NFAM1: variants seen among roughly 807,000 people sequenced by gnomAD.
NFAM1 encodes NFAT activation molecule 1.
A neutral mutation model predicts 29.0 loss-of-function variants in NFAM1; 17 were observed. The ratio of observed to expected loss-of-function variants is 0.59; its 90% CI spans 0.40 to 0.88. The LOEUF (loss-of-function observed/expected upper bound fraction) is 0.88, where lower values mean the gene tolerates loss of function less well. Ranked by LOEUF, NFAM1 falls within the 40% of genes least tolerant of loss-of-function variation. The pLI is 0.00. For missense variants in NFAM1, 324 were observed against 344.6 expected, an observed-to-expected ratio of 0.94 and a Z score of 0.47; for synonymous variants, 175 against 147.2, an observed-to-expected ratio of 1.19 and a Z score of -1.36.
intron 3 of NFAM1, among the ~76,000 whole-genome samples, chr22:42,406,820 G>A (rs1333122545): frequency 2.0e-5 from 3 of 151,914 alleles, no homozygotes; most frequent in East Asian, 1.9e-4. Flanking sequence ...TGTCGCCCAG[G>A]CTGGAGTGCA....
chr22:42,424,058 C>T (rs961624162), intron 1 of NFAM1, among the ~76,000 whole-genome samples: 72 of 152,060 alleles, frequency 4.7e-4, no homozygotes, highest in African/African-American at 1.7e-3. Context: ...GACTCGGCCT[C>T]CCAAAGTGCT....
upstream of NFAM1, among the ~76,000 whole-genome samples, chr22:42,433,197 C>T (rs575652394): frequency 6.6e-6 from 1 of 152,296 alleles, no homozygotes; most frequent in East Asian, 1.9e-4. Flanking sequence ...CCCTTGGCAC[C>T]CACACATCTG....
chr22:42,426,815 G>A (rs940546418), intron 1 of NFAM1, among the ~76,000 whole-genome samples: 1 of 152,098 alleles, frequency 6.6e-6, no homozygotes, highest in East Asian at 1.9e-4. Flanking sequence ...ACTCACGACC[G>A]AAGATGAGCA....
chr22:42,400,344 G>A (rs979612129), intron 3 of NFAM1, among the ~76,000 whole-genome samples: 1 of 152,198 alleles, frequency 6.6e-6, no homozygotes, highest in South Asian at 2.1e-4. Flanking sequence ...GGGGCCAGGT[G>A]CAGTGGTTCA....
At chr22:42,407,080 TC>T (rs1929924171) in intron 3 of NFAM1, among the ~76,000 whole-genome samples, 1 of 145,506 alleles carries the variant, frequency 6.9e-6, no homozygotes, top group African/African-American at 2.6e-5. Flanking sequence ...CGGACCTTCC[TC>T]TTTTTTTTTT....
At chr22:42,393,431 C>T (rs953253057) in intron 4 of NFAM1, among the ~76,000 whole-genome samples, 2 of 151,504 alleles carry the variant, frequency 1.3e-5, no homozygotes, top group Admixed American at 6.6e-5. Flanking sequence ...TTTTTTGAGT[C>T]GGAGTCTCGC....
Position 42,400,547 on chromosome 22 carries a change from G to A in NFAM1, c.565-2591C>T, listed in dbSNP as rs750096080. 3.3e-5 allele frequency among the ~76,000 whole-genome samples: 5 copies of A among 152,332 alleles called. No homozygotes were observed. The East Asian group carries it at 9.6e-4, about 29-fold the overall frequency. ...GCAGAGAATTGCTTGAACCTGGGAG[G>A]TGGAGGTTGCAGTGAGCTGAGATTG... On this transcript the variant is annotated intron_variant, in intron 3 of 5. Coordinates refer to ENST00000329021, the MANE Select transcript of NFAM1 (RefSeq NM_145912.8).
upstream of NFAM1, among the ~76,000 whole-genome samples, chr22:42,434,218 C>G (rs936495806): frequency 6.6e-6 from 1 of 152,218 alleles, no homozygotes; most frequent in Non-Finnish European, 1.5e-5. Context: ...TTCCTCCCCT[C>G]TCCTTCTTGA....
intron 1 of NFAM1, among the ~76,000 whole-genome samples, chr22:42,425,339 T>C (rs1325642734): frequency 6.6e-6 from 1 of 152,220 alleles, no homozygotes; most frequent in African/African-American, 2.4e-5. Flanking sequence ...ACTCTTGCTC[T>C]CGGCCTCCTT....
chr22:42,422,210 C>T (rs1029277652), intron 1 of NFAM1, among the ~76,000 whole-genome samples: 12 of 152,096 alleles, frequency 7.9e-5, no homozygotes, highest in African/African-American at 2.4e-4. Flanking sequence ...GGTGGCCGCT[C>T]GGGGACACAA....
At chr22:42,436,920 T>G, upstream of NFAM1, 1 of 697,962 alleles carries the variant, frequency 1.4e-6, no homozygotes, top group Non-Finnish European at 1.8e-6. Context: ...ACGCCTCAGC[T>G]GACATATTTA....
intron 3 of NFAM1, among the ~76,000 whole-genome samples, chr22:42,407,903 C>A (rs1269140945): frequency 1.9e-5 from 2 of 103,290 alleles, no homozygotes; most frequent in Non-Finnish European, 1.9e-5. Flanking sequence ...ACAGATTTCT[C>A]TTTTTTTTTT....
At chr22:42,429,801 T>G (rs1930736241) in intron 1 of NFAM1, among the ~76,000 whole-genome samples, 1 of 152,112 alleles carries the variant, frequency 6.6e-6, no homozygotes, top group Admixed American at 6.5e-5. Flanking sequence ...GCAGAGCTGG[T>G]TGCACCAGGC....
rs1245901276 is a variant in NFAM1, at chr22:42,384,846, G to A, written c.*315C>T. ...CTGTCAGCATGAGGCAGTGAGCAGG[G>A]CTCTGGGCAAGGGTGGCATCCAGGA... On this transcript the variant is annotated 3_prime_UTR_variant, in exon 6 of 6. Transcript: ENST00000329021. 6.5e-6 allele frequency: 3 copies of A among 460,824 alleles called. No homozygotes were observed. The highest frequency in any genetic ancestry group is 3.4e-5 in the Admixed American group (1 of 29,170). The allele number at this position is 460,824 out of a possible 1,614,324, so 28.5% of individuals were successfully genotyped here. A position where few individuals can be genotyped will look rare whatever the true frequency, so the allele number is the denominator to read the frequency against.
intron 2 of NFAM1, 43 bp downstream of exon 2, chr22:42,411,364 C>T: frequency 6.7e-7 from 1 of 1,494,088 alleles, no homozygotes; most frequent in Non-Finnish European, 9.2e-7. Flanking sequence ...CATTTGAAAC[C>T]TCTGTGTCCT....
chr22:42,393,737 T>C (rs1470551140), intron 4 of NFAM1, among the ~76,000 whole-genome samples: 1 of 151,904 alleles, frequency 6.6e-6, no homozygotes, highest in Non-Finnish European at 1.5e-5. Context: ...AAAGTTTAAT[T>C]AGTAAGGATC....
At chr22:42,420,656 C>T (rs1179688972) in intron 1 of NFAM1, among the ~76,000 whole-genome samples, 1 of 151,464 alleles carries the variant, frequency 6.6e-6, no homozygotes. Context: ...ATCCCAGCTA[C>T]TCGGGAGGCT....
At chr22:42,428,924 G>A (rs1344197737) in intron 1 of NFAM1, among the ~76,000 whole-genome samples, 5 of 152,216 alleles carry the variant, frequency 3.3e-5, no homozygotes, top group South Asian at 2.1e-4. Flanking sequence ...AAGCTGAGTT[G>A]CAGCTGCTCC....
At chr22:42,427,083 C>T (rs1194926593) in intron 1 of NFAM1, among the ~76,000 whole-genome samples, 1 of 152,130 alleles carries the variant, frequency 6.6e-6, no homozygotes, top group African/African-American at 2.4e-5. Context: ...AGGCGCCCCA[C>T]TTGCCAATCT....
Sources: allele counts gnomAD v4.1 joint callset (sites outside exome capture counted in the v4.1 genomes callset), GRCh38; gene constraint gnomAD v4.1.1; transcripts MANE v1.5; gene names NCBI Gene and HGNC (gene_info 2026-07-23, HGNC 2026-07-21).